KLF8: variants seen among roughly 807,000 people sequenced by gnomAD.
KLF8 encodes Krueppel-like factor 8.
Under a neutral mutation model 18.2 loss-of-function variants are expected in KLF8, and 10 were observed. The ratio of observed to expected loss-of-function variants is 0.55; its 90% CI spans 0.34 to 0.93. The LOEUF (loss-of-function observed/expected upper bound fraction) is 0.93. Ranked by LOEUF, KLF8 falls within the 40% of genes least tolerant of loss-of-function variation. KLF8 has a pLI of 0.02. For missense variants in KLF8, 264 were observed against 277.9 expected (o/e 0.95, Z 0.36); for synonymous variants, 109 against 97.3 (o/e 1.12, Z -0.71).
At chrX:56,102,301 A>G in the KLF8 span, among the ~76,000 whole-genome samples, 9 of 110,590 alleles carry the variant, frequency 8.1e-5, no homozygotes, top group Admixed American at 1.9e-4. Flanking sequence ...ATTCTATTCC[A>G]TCGGTTTATG....
chrX:56,166,355 C>T, the KLF8 span, among the ~76,000 whole-genome samples: 1 of 111,845 alleles, frequency 8.9e-6, no homozygotes, highest in Non-Finnish European at 1.9e-5. Flanking sequence ...TTTGCTGCTG[C>T]CTTGATTTGT....
chrX:56,197,899 T>C, the KLF8 span, among the ~76,000 whole-genome samples: 1 of 112,044 alleles, frequency 8.9e-6, no homozygotes, highest in Admixed American at 9.5e-5. Flanking sequence ...CATGATCAAG[T>C]TGGCTTCCTC....
chrX:55,979,564 A>G, the KLF8 span, among the ~76,000 whole-genome samples: 1 of 112,021 alleles, frequency 8.9e-6, no homozygotes, highest in Non-Finnish European at 1.9e-5. Flanking sequence ...TATAGATAAT[A>G]GATAGACATT....
At chrX:55,908,576 C>T in the KLF8 span, 3 of 296,023 alleles carry the variant, frequency 1.0e-5, no homozygotes, top group Non-Finnish European at 1.2e-5. Context: ...CACTCCTTCC[C>T]CTGGCTAACA....
chrX:56,151,579 G>A, the KLF8 span, among the ~76,000 whole-genome samples: 14 of 110,780 alleles, frequency 1.3e-4, no homozygotes, highest in Non-Finnish European at 1.3e-4. Context: ...ATGTGTGATG[G>A]TGTCCACACA....
the KLF8 span, among the ~76,000 whole-genome samples, chrX:56,021,190 G>A: frequency 4.5e-5 from 5 of 111,939 alleles, no homozygotes; most frequent in African/African-American, 6.5e-5. Context: ...TTGTATGAAT[G>A]AAACCATATG....
chrX:55,909,411 G>T, the KLF8 span, among the ~76,000 whole-genome samples: 1 of 112,439 alleles, frequency 8.9e-6, no homozygotes, highest in African/African-American at 3.2e-5. Flanking sequence ...TTCCTGAAAG[G>T]CGCCATGGCA....
the KLF8 span, among the ~76,000 whole-genome samples, chrX:56,056,833 A>G: frequency 1.2e-5 from 1 of 80,731 alleles, no homozygotes; most frequent in Non-Finnish European, 2.0e-5. Context: ...TGCAGGTGTA[A>G]AAAAAAAAAA....
Position 56,285,395 on chromosome X carries a change from A to G in KLF8, c.*901A>G, listed in dbSNP as rs752822515. The stretch of plus-strand genomic sequence containing the variant: ...GTTCCTTTACTTGTATAGGATATCA[A>G]AAGTGCTGTTAATCACAAACCTCAT... On this transcript the variant is annotated 3_prime_UTR_variant, in exon 6 of 6. Transcript: ENST00000468660. The G allele has an allele frequency of 8.9e-6, 1 of 111,825 alleles. No homozygotes were observed. Among genetic ancestry groups the G allele is most frequent in the Non-Finnish European group, 1.9e-5 (1 of 53,199 alleles). The allele number at this position is 111,825 out of a possible 1,213,427, so 9.2% of individuals were successfully genotyped here.
the KLF8 span, among the ~76,000 whole-genome samples, chrX:56,002,845 G>A: frequency 9.0e-6 from 1 of 110,952 alleles, no homozygotes; most frequent in East Asian, 2.8e-4. Flanking sequence ...GTCTTTTTTC[G>A]CTGAGCATAC....
the KLF8 span, among the ~76,000 whole-genome samples, chrX:56,085,019 T>C: frequency 8.9e-6 from 1 of 111,750 alleles, no homozygotes; most frequent in Non-Finnish European, 1.9e-5. Context: ...AAGAAAATAC[T>C]TAAGAAGAAG....
At chrX:56,279,741 G>C (rs1281905235) in intron 5 of KLF8, among the ~76,000 whole-genome samples, 2 of 111,732 alleles carry the variant, frequency 1.8e-5, no homozygotes, top group Non-Finnish European at 3.8e-5. Context: ...AGTGGATGTT[G>C]GTGACTCTAA....
At chrX:55,948,299 C>T in the KLF8 span, among the ~76,000 whole-genome samples, 1 of 111,743 alleles carries the variant, frequency 8.9e-6, no homozygotes, top group South Asian at 3.8e-4. Flanking sequence ...GCAACTCTAC[C>T]CTTTTAAAGT....
chrX:56,153,985 C>T, the KLF8 span, among the ~76,000 whole-genome samples: 1 of 111,188 alleles, frequency 9.0e-6, no homozygotes, highest in Admixed American at 9.6e-5. Context: ...GAATCAATAT[C>T]GTGAAAATGG....
the KLF8 span, among the ~76,000 whole-genome samples, chrX:55,938,418 A>G: frequency 8.9e-6 from 1 of 111,905 alleles, no homozygotes; most frequent in East Asian, 2.8e-4. Flanking sequence ...CACTGCAAAA[A>G]CATGCCAAAT....
chrX:56,117,872 TA>T, the KLF8 span, among the ~76,000 whole-genome samples: 1 of 111,753 alleles, frequency 8.9e-6, no homozygotes, highest in Non-Finnish European at 1.9e-5. Context: ...GGGTGGCTTA[TA>T]AACAACAGAA....
the KLF8 span, among the ~76,000 whole-genome samples, chrX:56,140,209 A>G: frequency 1.8e-5 from 2 of 112,388 alleles, no homozygotes; most frequent in Non-Finnish European, 3.8e-5. Flanking sequence ...TATTTCTCAA[A>G]GAACTTAAAA....
At chrX:56,251,208 A>G (rs994419116) in intron 2 of KLF8, among the ~76,000 whole-genome samples, 2 of 112,196 alleles carry the variant, frequency 1.8e-5, no homozygotes, top group Non-Finnish European at 3.8e-5. Flanking sequence ...TTTATGTCCC[A>G]GGGCTCTGTG....
In KLF8 at chrX:56,286,392, A is replaced by T. The variant is rs2067268606; in HGVS notation, c.*1898A>T. 8.9e-6 allele frequency: 1 copy of T among 111,822 alleles called. No individual in the cohort carries two copies. Among genetic ancestry groups the T allele is most frequent in the African/African-American group, 3.3e-5 (1 of 30,694 alleles). 9.2% of individuals were successfully genotyped at this position (111,822 alleles called of 1,213,427 possible). ...GGTCTCAAACTCCTGACCTCAAGTG[A>T]TCCCCCCACCTCGGCCTCCCAAAGT... On this transcript the variant is annotated 3_prime_UTR_variant, in exon 6 of 6. Coordinates refer to ENST00000468660, the MANE Select transcript of KLF8 (RefSeq NM_007250.5).
Sources: allele counts gnomAD v4.1 joint callset (sites outside exome capture counted in the v4.1 genomes callset), GRCh38; gene constraint gnomAD v4.1.1; transcripts MANE v1.5; gene names NCBI Gene and HGNC (gene_info 2026-07-23, HGNC 2026-07-21).